Variants in CTNNA2 observed in about 807,000 individuals in gnomAD.
CTNNA2 encodes the protein catenin alpha 2.
In CTNNA2, 42 loss-of-function variants were observed where a neutral mutation model predicts 101.0. That is an observed-to-expected ratio of 0.42 (90% CI 0.32 to 0.54). CTNNA2 has a LOEUF of 0.54. Ranked by LOEUF, CTNNA2 falls within the 20% of genes least tolerant of loss-of-function variation. The pLI is 0.14. For synonymous variants in CTNNA2, 450 were observed against 456.4 expected (o/e 0.99, Z 0.18); for missense variants, 871 against 1,223.1 (o/e 0.71, Z 4.29).
intron 7 of CTNNA2, among the ~76,000 whole-genome samples, chr2:80,108,353 C>G (rs1325336868): frequency 6.6e-6 from 1 of 152,134 alleles, no homozygotes; most frequent in African/African-American, 2.4e-5. Flanking sequence ...CCCACATTAA[C>G]CAGAACACCC....
chr2:79,596,990 G>A (rs569402787), intron 1 of CTNNA2, among the ~76,000 whole-genome samples: 53 of 152,246 alleles, frequency 3.5e-4, no homozygotes, highest in African/African-American at 1.2e-3. Flanking sequence ...TTGTAAAGTG[G>A]GGTGGACACA....
At chr2:80,327,026 C>T (rs2149256028) in intron 7 of CTNNA2, among the ~76,000 whole-genome samples, 1 of 152,256 alleles carries the variant, frequency 6.6e-6, no homozygotes, top group South Asian at 2.1e-4. Context: ...ATTTTCTCTC[C>T]TCCCAGTCTT....
intron 7 of CTNNA2, among the ~76,000 whole-genome samples, chr2:79,923,496 G>C (rs1416477098): frequency 6.6e-6 from 1 of 152,088 alleles, no homozygotes; most frequent in Non-Finnish European, 1.5e-5. Flanking sequence ...GGTACTATGT[G>C]ATGTTTGGAT....
At chr2:80,228,704 A>G (rs1428582225) in intron 7 of CTNNA2, among the ~76,000 whole-genome samples, 2 of 152,184 alleles carry the variant, frequency 1.3e-5, no homozygotes, top group Non-Finnish European at 2.9e-5. Flanking sequence ...CTGAAATAGT[A>G]GTGTTATTGT....
intron 10 of CTNNA2, 145 bp from the exon 11 acceptor site, chr2:80,545,762 A>T (rs913372648): frequency 4.6e-6 from 3 of 647,168 alleles, no homozygotes; most frequent in Admixed American, 3.3e-5. Flanking sequence ...TTTATCTTTT[A>T]TGTGTTTGAT....
At chr2:80,471,833 C>T (rs2149487103) in intron 9 of CTNNA2, among the ~76,000 whole-genome samples, 1 of 151,724 alleles carries the variant, frequency 6.6e-6, no homozygotes, top group Non-Finnish European at 1.5e-5. Flanking sequence ...AAAAAAAATG[C>T]ATAAAGAAGG....
intron 9 of CTNNA2, among the ~76,000 whole-genome samples, chr2:80,517,381 G>A (rs1410244990): frequency 1.3e-5 from 2 of 152,198 alleles, no homozygotes; most frequent in Non-Finnish European, 2.9e-5. Context: ...AGGGTGCCTT[G>A]CTTTCACTCT....
At chr2:79,255,535 G>A (rs190617569) in intron 2 of CTNNA2, among the ~76,000 whole-genome samples, 1 of 152,166 alleles carries the variant, frequency 6.6e-6, no homozygotes, top group South Asian at 2.1e-4. Flanking sequence ...TGTATATTGG[G>A]TAATGGCACA....
chr2:80,422,684 C>T (rs1441320213), intron 9 of CTNNA2, among the ~76,000 whole-genome samples: 1 of 152,100 alleles, frequency 6.6e-6, no homozygotes, highest in Non-Finnish European at 1.5e-5. Flanking sequence ...GCTTTCTCTG[C>T]AGATGTTGAG....
chr2:79,376,654 G>C (rs1677979478), intron 4 of CTNNA2, among the ~76,000 whole-genome samples: 2 of 152,054 alleles, frequency 1.3e-5, no homozygotes, highest in East Asian at 1.9e-4. Flanking sequence ...CCCCACAACA[G>C]GCCCTGGTGT....
At chr2:79,273,302 T>C (rs1675131479) in intron 2 of CTNNA2, among the ~76,000 whole-genome samples, 1 of 152,100 alleles carries the variant, frequency 6.6e-6, no homozygotes, top group African/African-American at 2.4e-5. Context: ...GAACAACTAA[T>C]TAAAACATTA....
In CTNNA2 at chr2:79,328,065, T is replaced by TA. The variant is rs1676787272; in HGVS notation, c.-318+15275dup. ...GAGAAGAGTTAGAAGGGAAGCGAAG[T>TA]AAAAAATCTCCATCAGAATGTTATG... On this transcript the variant is annotated intron_variant, in intron 3 of 21. Transcript: ENST00000466387. Among the ~76,000 whole-genome samples the TA allele has an allele frequency of 2.6e-5, 4 of 152,144 alleles. No homozygotes were observed. The South Asian group carries it at 8.3e-4, about 32-fold the overall frequency.
intron 18 of CTNNA2, among the ~76,000 whole-genome samples, chr2:80,637,735 G>A (rs939243778): frequency 2.6e-5 from 4 of 152,078 alleles, no homozygotes; most frequent in African/African-American, 7.2e-5. Context: ...AGCTCCTAGG[G>A]CTTAGATGAG....
At chr2:80,426,376 G>C (rs1408340043) in intron 9 of CTNNA2, among the ~76,000 whole-genome samples, 1 of 152,010 alleles carries the variant, frequency 6.6e-6, no homozygotes, top group African/African-American at 2.4e-5. Context: ...AGCTATTTTG[G>C]GCCTCTGAAC....
At chr2:80,592,184 T>C (rs1409658732) in intron 15 of CTNNA2, among the ~76,000 whole-genome samples, 1 of 152,204 alleles carries the variant, frequency 6.6e-6, no homozygotes, top group African/African-American at 2.4e-5. Context: ...TGTAAAATAC[T>C]GAGCACTAGA....
intron 4 of CTNNA2, among the ~76,000 whole-genome samples, chr2:79,492,004 A>G (rs1056353598): frequency 6.6e-6 from 1 of 152,172 alleles, no homozygotes; most frequent in Admixed American, 6.6e-5. Context: ...CTAGCTCCAC[A>G]TATACTTGTC....
intron 7 of CTNNA2, among the ~76,000 whole-genome samples, chr2:80,019,418 C>T (rs963826134): frequency 6.6e-6 from 1 of 152,110 alleles, no homozygotes; most frequent in Non-Finnish European, 1.5e-5. Context: ...AAACAATGGG[C>T]CAAAACCTTC....
chr2:79,275,765 G>A lies in CTNNA2; in HGVS notation c.-405-36944G>A, dbSNP rs572329307. Among the ~76,000 whole-genome samples, 302 of 151,906 alleles carry A rather than the reference G, an allele frequency of 2.0e-3. 2 individuals are homozygous for A. The highest frequency in any genetic ancestry group is 6.8e-3 in the African/African-American group (282 of 41,418). ...TTATTTACTCAGCAATAATTTTATC[G>A]CATTCCTCCTATGCATTGGGCATTG... On this transcript the variant is annotated intron_variant, in intron 2 of 21. Transcript: ENST00000466387.
At chr2:79,973,113 C>G (rs1294811115) in intron 7 of CTNNA2, among the ~76,000 whole-genome samples, 1 of 152,036 alleles carries the variant, frequency 6.6e-6, no homozygotes. Flanking sequence ...AATAAATTCT[C>G]TATTTTCCTT....
Sources: allele counts gnomAD v4.1 joint callset (sites outside exome capture counted in the v4.1 genomes callset), GRCh38; gene constraint gnomAD v4.1.1; transcripts MANE v1.5; gene names NCBI Gene and HGNC (gene_info 2026-07-23, HGNC 2026-07-21).